The following STX18 variants were observed in gnomAD, a reference collection of about 807,000 sequenced individuals.
STX18 encodes syntaxin 18, also known as syntaxin-18.
A neutral mutation model predicts 50.1 loss-of-function variants in STX18; 40 were observed. The observed-to-expected ratio is 0.80, with a 90% confidence interval of 0.62 to 1.04. STX18 has a LOEUF of 1.04. STX18 is among the 50% of genes least tolerant of loss of function. STX18 has a pLI of 0.00. For missense variants in STX18, 410 were observed against 415.8 expected, an observed-to-expected ratio of 0.99 and a Z score of 0.12; for synonymous variants, 158 against 151.8, an observed-to-expected ratio of 1.04 and a Z score of -0.30.
chr4:4,484,636 C>A (rs1230069880), intron 1 of STX18, among the ~76,000 whole-genome samples: 4 of 152,204 alleles, frequency 2.6e-5, no homozygotes, highest in Non-Finnish European at 4.4e-5. Context: ...CACGAACACC[C>A]TAAGGGTCTA....
At chr4:4,506,484 T>C (rs572612339) in intron 1 of STX18, among the ~76,000 whole-genome samples, 1 of 152,202 alleles carries the variant, frequency 6.6e-6, no homozygotes, top group African/African-American at 2.4e-5. Flanking sequence ...GACAAAATTA[T>C]AGCAATGGAG....
Position 4,541,994 on chromosome 4 carries a change from G to T in STX18, c.-30C>A, listed in dbSNP as rs763848785. On this transcript the variant is annotated 5_prime_UTR_variant, in exon 1 of 11. Transcript: ENST00000306200. ...ACCCGCACCCTCAGCCCCACACTAG[G>T]CCCGCCCACGTAAGCAGCCGGCGAC... The T allele has an allele frequency of 1.3e-6, 2 of 1,548,972 alleles. No individual in the cohort carries two copies. The highest frequency in any genetic ancestry group is 3.7e-5 in the Admixed American group (2 of 53,594).
intron 1 of STX18, among the ~76,000 whole-genome samples, chr4:4,515,755 A>G (rs1286125256): frequency 6.6e-6 from 1 of 152,168 alleles, no homozygotes; most frequent in Non-Finnish European, 1.5e-5. Context: ...ATTTTTTCCT[A>G]GCACATAAAA....
chr4:4,420,708 T>C lies in STX18; in HGVS notation c.912+156A>G. On this transcript the variant is annotated intron_variant, in intron 10 of 10. Transcript: ENST00000306200. This position sits in a 1 kb window ranked among gnomAD's most constrained non-coding sequence, Gnocchi z 4.3. ...GGTGGGCGACAGGTGGTGGGTCTCATGAACACACGCAGCTCCGCGGTCACA... is the reference window on the plus strand; with the variant it reads ...GGTGGGCGACAGGTGGTGGGTCTCACGAACACACGCAGCTCCGCGGTCACA... The C allele has an allele frequency of 3.0e-6, 2 of 671,992 alleles. No homozygotes were observed. Among genetic ancestry groups the C allele is most frequent in the South Asian group, 3.6e-5 (2 of 55,400 alleles). The allele number at this position is 671,992 out of a possible 1,614,324, so 41.6% of individuals were successfully genotyped here.
intron 1 of STX18, among the ~76,000 whole-genome samples, chr4:4,527,827 T>C (rs142767315): frequency 0.015 from 2,243 of 146,790 alleles, 28 homozygotes; most frequent in Admixed American, 0.026. Flanking sequence ...TATAATTTTA[T>C]ATATATATGT....
intron 1 of STX18, among the ~76,000 whole-genome samples, chr4:4,488,162 C>T (rs1008376470): frequency 6.6e-5 from 10 of 152,090 alleles, no homozygotes; most frequent in Non-Finnish European, 1.2e-4. Flanking sequence ...CTCCTCCTCT[C>T]GTGAGGTGAA....
At chr4:4,499,703 A>T (rs1170025495) in intron 1 of STX18, 1 of 209,426 alleles carries the variant, frequency 4.8e-6, no homozygotes, top group East Asian at 1.8e-4. Flanking sequence ...TCTATCAACG[A>T]GATTTATGAA....
chr4:4,521,480 C>T (rs557357968), intron 1 of STX18, among the ~76,000 whole-genome samples: 1 of 151,902 alleles, frequency 6.6e-6, no homozygotes, highest in African/African-American at 2.4e-5. Flanking sequence ...CAGAAGAGCC[C>T]AGTTAAGCTT....
intron 5 of STX18, among the ~76,000 whole-genome samples, chr4:4,455,573 C>T (rs1420554220): frequency 6.6e-6 from 1 of 152,182 alleles, no homozygotes; most frequent in Admixed American, 6.5e-5. Flanking sequence ...AAACAGCTCG[C>T]CGTGCCTGAA....
rs139818311 is a variant in STX18, at chr4:4,515,756, G to C, written c.168+26041C>G. On this transcript the variant is annotated intron_variant, in intron 1 of 10. Transcript: ENST00000306200. Reference sequence around the variant, plus strand: ...GAGGAAAATAAATTATTTTTTCCTAGCACATAAAAAAGAGTTATAGTCAGC... The same window carrying C: ...GAGGAAAATAAATTATTTTTTCCTACCACATAAAAAAGAGTTATAGTCAGC... Among the ~76,000 whole-genome samples, 374 of 152,088 alleles carry C rather than the reference G, an allele frequency of 2.5e-3. 14 individuals carry two copies. The East Asian group carries it at 0.06, about 24-fold the overall frequency.
intron 1 of STX18, among the ~76,000 whole-genome samples, chr4:4,522,153 T>C (rs531272703): frequency 1.5e-4 from 23 of 152,344 alleles, no homozygotes; most frequent in African/African-American, 3.6e-4. Flanking sequence ...TTCATCACTA[T>C]TGCCTGCTTT....
At chr4:4,440,039 A>G (rs1410518346) in intron 5 of STX18, among the ~76,000 whole-genome samples, 3 of 152,224 alleles carry the variant, frequency 2.0e-5, no homozygotes, top group Non-Finnish European at 4.4e-5. Context: ...TATATGTTGA[A>G]TGAATGAGTG....
At chr4:4,440,002 T>A (rs766598805) in intron 5 of STX18, among the ~76,000 whole-genome samples, 6 of 152,236 alleles carry the variant, frequency 3.9e-5, no homozygotes, top group Non-Finnish European at 7.3e-5. Flanking sequence ...AGATTCTGGA[T>A]TAGTGCCTGG....
chr4:4,435,044 A>G (rs908635450), intron 6 of STX18, among the ~76,000 whole-genome samples, 186 bp from the exon 7 acceptor site: 3 of 152,164 alleles, frequency 2.0e-5, no homozygotes, highest in African/African-American at 7.2e-5. Flanking sequence ...TAGGCTTTAA[A>G]TTGTCTTTGT....
At chr4:4,527,700 A>C (rs1485998800) in intron 1 of STX18, among the ~76,000 whole-genome samples, 2 of 151,384 alleles carry the variant, frequency 1.3e-5, no homozygotes, top group Non-Finnish European at 2.9e-5. Context: ...TGAGAGAAAA[A>C]TCTGTGTGAG....
At chr4:4,512,663 G>A (rs1224829820) in intron 1 of STX18, among the ~76,000 whole-genome samples, 1 of 152,180 alleles carries the variant, frequency 6.6e-6, no homozygotes, top group Non-Finnish European at 1.5e-5. Flanking sequence ...AGGCACGTTT[G>A]TGAGTTAGGT....
At chr4:4,451,458 AT>A (rs1726748445) in intron 5 of STX18, among the ~76,000 whole-genome samples, 1 of 152,148 alleles carries the variant, frequency 6.6e-6, no homozygotes, top group Non-Finnish European at 1.5e-5. Context: ...CAGATATTGC[AT>A]TTTTTGTTTG....
At chr4:4,530,811 T>G (rs1015731391) in intron 1 of STX18, among the ~76,000 whole-genome samples, 1 of 152,090 alleles carries the variant, frequency 6.6e-6, no homozygotes, top group East Asian at 1.9e-4. Flanking sequence ...TTTGCCATGT[T>G]GCCCAGGCTG....
chr4:4,506,094 C>T (rs7663867), intron 1 of STX18, among the ~76,000 whole-genome samples: 60,402 of 152,032 alleles, frequency 0.4, 12,087 homozygotes, highest in South Asian at 0.47. Context: ...GTTTTCACTA[C>T]TTGAGTATTA....
Sources: allele counts gnomAD v4.1 joint callset (sites outside exome capture counted in the v4.1 genomes callset), GRCh38; gene constraint gnomAD v4.1.1; non-coding constraint Gnocchi (gnomAD v3.1); transcripts MANE v1.5; gene names NCBI Gene and HGNC (gene_info 2026-07-23, HGNC 2026-07-21).